GRIP1: variants seen among roughly 807,000 people sequenced by gnomAD.
GRIP1 encodes glutamate receptor interacting protein 1, also known as glutamate receptor-interacting protein 1.
Under a neutral mutation model 129.9 loss-of-function variants are expected in GRIP1, and 45 were observed. The observed-to-expected ratio is 0.35, with a 90% CI of 0.27 to 0.44. GRIP1 has a LOEUF of 0.44. Among genes scored for constraint, GRIP1 ranks in the 20% least tolerant of loss-of-function variants. The pLI, the probability that GRIP1 is intolerant of heterozygous loss-of-function variation, is 1.00. For missense variants in GRIP1, 1,196 were observed against 1,396.8 expected (o/e 0.86, Z 2.29); for synonymous variants, 530 against 520.8 (o/e 1.02, Z -0.24).
At chr12:67,054,876 G>A (rs1261010970) in intron 1 of GRIP1, among the ~76,000 whole-genome samples, 3 of 152,056 alleles carry the variant, frequency 2.0e-5, no homozygotes, top group Non-Finnish European at 4.4e-5. Flanking sequence ...AGGAGGAAAA[G>A]CAGCATAATG....
intron 1 of GRIP1, among the ~76,000 whole-genome samples, chr12:66,875,575 C>T (rs1022174390): frequency 1.3e-5 from 2 of 151,980 alleles, no homozygotes; most frequent in African/African-American, 4.8e-5. Flanking sequence ...CCATGCACAT[C>T]CAGAATTTTG....
intron 1 of GRIP1, among the ~76,000 whole-genome samples, chr12:66,917,683 A>G (rs1352249899): frequency 3.3e-5 from 5 of 152,240 alleles, no homozygotes; most frequent in Admixed American, 2.6e-4. Flanking sequence ...TTCAATCACT[A>G]GACATTTAAA....
At chr12:66,981,459 A>G (rs946441838) in intron 1 of GRIP1, among the ~76,000 whole-genome samples, 3 of 152,202 alleles carry the variant, frequency 2.0e-5, no homozygotes, top group Admixed American at 1.3e-4. Context: ...ATAAATGACT[A>G]TAATATTAAA....
chr12:66,971,233 G>A (rs1026998593), intron 1 of GRIP1, among the ~76,000 whole-genome samples: 2 of 152,068 alleles, frequency 1.3e-5, no homozygotes, highest in African/African-American at 4.8e-5. Context: ...TTTTGGGGTG[G>A]CAAGTGATTT....
At chr12:66,525,593 TG>T (rs1201333412) in intron 5 of GRIP1, among the ~76,000 whole-genome samples, 1 of 151,344 alleles carries the variant, frequency 6.6e-6, no homozygotes. Flanking sequence ...GGGCAAAAAC[TG>T]GAAGCATTCC....
chr12:66,778,387 T>C (rs1405853983), intron 1 of GRIP1, among the ~76,000 whole-genome samples: 2 of 152,214 alleles, frequency 1.3e-5, no homozygotes, highest in African/African-American at 4.8e-5. Flanking sequence ...GAGCCTTAGT[T>C]TCCTTTGCCA....
At chr12:66,674,419 T>C (rs541210882) in intron 1 of GRIP1, among the ~76,000 whole-genome samples, 2 of 152,306 alleles carry the variant, frequency 1.3e-5, no homozygotes, top group East Asian at 3.9e-4. Flanking sequence ...ATGGGAAATA[T>C]TTTTCCTCTT....
At chr12:66,852,187 AC>A (rs1169712464) in intron 1 of GRIP1, among the ~76,000 whole-genome samples, 1 of 152,054 alleles carries the variant, frequency 6.6e-6, no homozygotes, top group Non-Finnish European at 1.5e-5. Context: ...ATCTTTTTGT[AC>A]CTACTTTAGT....
chr12:66,917,747 C>A (rs1382932181), intron 1 of GRIP1, among the ~76,000 whole-genome samples: 2 of 152,106 alleles, frequency 1.3e-5, no homozygotes, highest in Non-Finnish European at 2.9e-5. Flanking sequence ...GTTTTCTCAG[C>A]ATCATTCTGT....
intron 1 of GRIP1, among the ~76,000 whole-genome samples, chr12:66,942,246 T>G (rs1592372938): frequency 6.6e-6 from 1 of 152,022 alleles, no homozygotes; most frequent in African/African-American, 2.4e-5. Flanking sequence ...AATTAAGTGG[T>G]TTTTCTTTCT....
chr12:67,003,062 A>G (rs572652946), intron 1 of GRIP1, among the ~76,000 whole-genome samples: 2 of 152,268 alleles, frequency 1.3e-5, no homozygotes, highest in South Asian at 4.1e-4. Flanking sequence ...GAAGGGCAAC[A>G]CTGGCCTTCT....
At chr12:66,574,666 G>A (rs1258848169) in intron 2 of GRIP1, among the ~76,000 whole-genome samples, 2 of 152,064 alleles carry the variant, frequency 1.3e-5, no homozygotes, top group South Asian at 2.1e-4. Context: ...TCTTCAACAT[G>A]CATCTCTGTA....
intron 1 of GRIP1, among the ~76,000 whole-genome samples, chr12:66,930,169 A>G (rs2041367820): frequency 6.7e-6 from 1 of 148,400 alleles, no homozygotes; most frequent in Non-Finnish European, 1.5e-5. Flanking sequence ...GGTTAGTTAC[A>G]TATGTATACA....
intron 1 of GRIP1, among the ~76,000 whole-genome samples, chr12:66,736,399 C>A (rs1167538449): frequency 1.1e-4 from 8 of 74,958 alleles, no homozygotes; most frequent in East Asian, 4.0e-4. Context: ...TTTTAGGATA[C>A]AGGGTCTTGC....
intron 7 of GRIP1, among the ~76,000 whole-genome samples, chr12:66,507,846 T>C (rs1050562058): frequency 2.2e-4 from 34 of 152,174 alleles, no homozygotes; most frequent in African/African-American, 7.5e-4. Flanking sequence ...TCATAATTCA[T>C]GGCAGCCTCA....
At chr12:67,020,461 G>GC (rs951890923) in intron 1 of GRIP1, among the ~76,000 whole-genome samples, 1 of 152,176 alleles carries the variant, frequency 6.6e-6, no homozygotes, top group Non-Finnish European at 1.5e-5. Context: ...AGGCTGGAGT[G>GC]CAGTGGTACA....
intron 1 of GRIP1, among the ~76,000 whole-genome samples, chr12:66,872,397 C>T (rs953101642): frequency 6.6e-6 from 1 of 152,058 alleles, no homozygotes; most frequent in Non-Finnish European, 1.5e-5. Context: ...TGTAAGTTTA[C>T]ACTCAACTGT....
chr12:66,433,353 C>T (rs11176176), intron 13 of GRIP1, among the ~76,000 whole-genome samples: 99,687 of 151,984 alleles, frequency 0.66, 34,067 homozygotes, highest in Non-Finnish European at 0.77. Flanking sequence ...CACAGGGACC[C>T]AGCAGATTCC....
At chr12:66,933,425 A>G (rs1002921776) in intron 1 of GRIP1, among the ~76,000 whole-genome samples, 2 of 152,240 alleles carry the variant, frequency 1.3e-5, no homozygotes, top group African/African-American at 4.8e-5. Context: ...TTTGGGTAAT[A>G]TTAGCTTAAC....
Sources: allele counts gnomAD v4.1 joint callset (sites outside exome capture counted in the v4.1 genomes callset), GRCh38; gene constraint gnomAD v4.1.1; transcripts MANE v1.5; gene names NCBI Gene and HGNC (gene_info 2026-07-23, HGNC 2026-07-21).